Variants in EIF4G3 observed in about 807,000 individuals in gnomAD.
EIF4G3 encodes the protein eukaryotic translation initiation factor 4 gamma 3.
EIF4G3 carries 34 observed loss-of-function variants against 186.4 expected under a neutral mutation model. That is an observed-to-expected ratio of 0.18 (90% CI 0.14 to 0.24). The LOEUF (loss-of-function observed/expected upper bound fraction) is 0.24, where lower values mean the gene tolerates loss of function less well. EIF4G3 is among the 10% of genes least tolerant of loss of function. EIF4G3 has a pLI of 1.00. For synonymous variants in EIF4G3, 673 were observed against 679.5 expected, an observed-to-expected ratio of 0.99 and a Z score of 0.15; for missense variants, 1,536 against 1,948.5, an observed-to-expected ratio of 0.79 and a Z score of 3.99.
At chr1:20,984,067 T>C (rs1018048644) in intron 7 of EIF4G3, among the ~76,000 whole-genome samples, 2 of 152,186 alleles carry the variant, frequency 1.3e-5, no homozygotes, top group Non-Finnish European at 2.9e-5. Context: ...CTCAGTAACT[T>C]TGAAGTAAAA....
chr1:20,973,110 G>T lies in EIF4G3; in HGVS notation c.494-11C>A. On this transcript the variant is annotated splice_polypyrimidine_tract_variant and intron_variant, in intron 10 of 36. Transcript: ENST00000602326. ...GGTAAAAAGGCGTTCCTAAAAAGTT[G>T]GAAAAAATTAAATAGGCATTCAGTT... 1.2e-6 allele frequency: 2 copies of T among 1,602,190 alleles called. No individual in the cohort carries two copies. Among genetic ancestry groups the T allele is most frequent in the Non-Finnish European group, 1.7e-6 (2 of 1,174,124 alleles).
intron 13 of EIF4G3, among the ~76,000 whole-genome samples, chr1:20,946,882 A>G (rs777550370): frequency 1.3e-5 from 2 of 152,132 alleles, no homozygotes; most frequent in Non-Finnish European, 2.9e-5. Context: ...TAGAGTTAAC[A>G]TGAGATTGTG....
At chr1:20,932,914 C>T (rs1217617322) in intron 14 of EIF4G3, among the ~76,000 whole-genome samples, 1 of 152,034 alleles carries the variant, frequency 6.6e-6, no homozygotes, top group Non-Finnish European at 1.5e-5. Context: ...TAAAAAAAAC[C>T]GTATCAGTGA....
chr1:21,025,399 C>T (rs1454377906), intron 4 of EIF4G3, among the ~76,000 whole-genome samples: 6 of 152,004 alleles, frequency 3.9e-5, no homozygotes, highest in Admixed American at 3.9e-4. Flanking sequence ...ATTCCGACAG[C>T]CCAGGTACAT....
chr1:20,851,171 TA>T, intron 28 of EIF4G3, 86 bp downstream of exon 28: 1 of 1,272,232 alleles, frequency 7.9e-7, no homozygotes, highest in Non-Finnish European at 1.1e-6. Flanking sequence ...GTGTTAATTC[TA>T]AAATCTACTC....
At chr1:20,875,998 G>C (rs1016004408) in intron 20 of EIF4G3, among the ~76,000 whole-genome samples, 25 of 152,012 alleles carry the variant, frequency 1.6e-4, no homozygotes, top group African/African-American at 5.6e-4. Flanking sequence ...GAGGCAAGCA[G>C]ATCACTTGAG....
intron 2 of EIF4G3, among the ~76,000 whole-genome samples, chr1:21,115,693 T>C (rs2096805120): frequency 6.6e-6 from 1 of 152,110 alleles, no homozygotes; most frequent in Non-Finnish European, 1.5e-5. Context: ...AATGAGACGA[T>C]TTATTAGAAT....
chr1:20,822,795 GT>G (rs2062741380), intron 33 of EIF4G3, among the ~76,000 whole-genome samples: 1 of 151,916 alleles, frequency 6.6e-6, no homozygotes, highest in South Asian at 2.1e-4. Flanking sequence ...TCGATGATAT[GT>G]TGTGGTTTTG....
intron 14 of EIF4G3, among the ~76,000 whole-genome samples, chr1:20,915,061 C>G (rs78716506): frequency 6.6e-6 from 1 of 152,058 alleles, no homozygotes; most frequent in Non-Finnish European, 1.5e-5. Flanking sequence ...TTATAGCAAC[C>G]GTATCTAATA....
intron 31 of EIF4G3, among the ~76,000 whole-genome samples, chr1:20,827,995 C>A (rs2064055246): frequency 1.3e-5 from 2 of 150,138 alleles, no homozygotes; most frequent in Non-Finnish European, 3.0e-5. Context: ...TGAGAAGCAC[C>A]TTAGGTAACA....
intron 18 of EIF4G3, chr1:20,892,713 C>T: frequency 6.5e-7 from 1 of 1,534,974 alleles, no homozygotes; most frequent in Non-Finnish European, 8.7e-7. Context: ...TCCATGCCTG[C>T]TCTGCACTTT....
At chr1:20,906,811 T>TACACACAC (rs35477773) in intron 14 of EIF4G3, among the ~76,000 whole-genome samples, 12 of 149,666 alleles carry the variant, frequency 8.0e-5, no homozygotes, top group East Asian at 2.0e-4. Context: ...AAAAACTGGA[T>TACACACAC]ACACACACAC....
chr1:21,153,066 A>AT (rs1210158724), intron 2 of EIF4G3, among the ~76,000 whole-genome samples: 2 of 152,166 alleles, frequency 1.3e-5, no homozygotes, highest in African/African-American at 2.4e-5. Flanking sequence ...TCTCAAATCT[A>AT]TTTTCTAATT....
intron 12 of EIF4G3, among the ~76,000 whole-genome samples, chr1:20,957,949 T>A (rs183069907): frequency 6.6e-6 from 1 of 152,108 alleles, no homozygotes; most frequent in Non-Finnish European, 1.5e-5. Flanking sequence ...GATGGATTCA[T>A]GGCTAAATTC....
intron 2 of EIF4G3, among the ~76,000 whole-genome samples, chr1:21,152,712 T>C (rs1040732104): frequency 1.3e-5 from 2 of 152,220 alleles, no homozygotes; most frequent in African/African-American, 4.8e-5. Context: ...ATAAAATATA[T>C]CAACATTTGG....
chr1:21,019,531 A>G (rs1314035600), intron 4 of EIF4G3, among the ~76,000 whole-genome samples: 1 of 152,220 alleles, frequency 6.6e-6, no homozygotes, highest in African/African-American at 2.4e-5. Flanking sequence ...CAGTGAATGA[A>G]AAATAAAAAT....
intron 2 of EIF4G3, among the ~76,000 whole-genome samples, chr1:21,105,411 C>G (rs189181370): frequency 7.4e-5 from 11 of 149,422 alleles, no homozygotes; most frequent in African/African-American, 2.7e-4. Context: ...GCCTATGCAA[C>G]GAGTGAAACT....
chr1:20,982,348 TGA>T (rs2078472018), intron 8 of EIF4G3, 38 bp downstream of exon 8: 16 of 1,451,878 alleles, frequency 1.1e-5, no homozygotes, highest in African/African-American at 1.4e-5. Context: ...ATAAGCAGAC[TGA>T]GTTATAAAGA....
At position 20,810,949 on chromosome 1, in the gene EIF4G3, C is replaced by A. The variant is rs2059118497; in HGVS notation, c.4598-65G>T. ...TTAACATAGAATTATCTTTAATTTT[C>A]TTTCTTTTTTCTTTTTTTGAGACAG... On this transcript the variant is annotated intron_variant, in intron 35 of 36. Transcript: ENST00000602326. The surrounding 1 kb of genome is among the most constrained non-coding windows in gnomAD (Gnocchi z 4.1). 6.6e-7 allele frequency: 1 copy of A among 1,518,284 alleles called. No homozygotes were observed. Among genetic ancestry groups the A allele is most frequent in the Admixed American group, 1.9e-5 (1 of 52,504 alleles). The allele number at this position is 1,518,284 out of a possible 1,614,324, so 94.1% of individuals were successfully genotyped here.
Sources: allele counts gnomAD v4.1 joint callset (sites outside exome capture counted in the v4.1 genomes callset), GRCh38; gene constraint gnomAD v4.1.1; non-coding constraint Gnocchi (gnomAD v3.1); transcripts MANE v1.5; gene names NCBI Gene and HGNC (gene_info 2026-07-23, HGNC 2026-07-21).